CACNA2D3: variants seen among roughly 807,000 people sequenced by gnomAD.
CACNA2D3 encodes the protein voltage-dependent calcium channel subunit alpha-2/delta-3.
CACNA2D3 carries 60 observed loss-of-function variants against 160.6 expected under a neutral mutation model. The observed-to-expected ratio is 0.37, with a 90% CI of 0.30 to 0.46. The LOEUF (loss-of-function observed/expected upper bound fraction) is 0.46. Ranked by LOEUF, CACNA2D3 falls within the 20% of genes least tolerant of loss-of-function variation. The probability of loss-of-function intolerance (pLI) is 1.00; values close to 1 mark genes in which losing one functional copy is unlikely to be tolerated. For missense variants in CACNA2D3, 1,205 were observed against 1,365.0 expected, an observed-to-expected ratio of 0.88 and a Z score of 1.85; for synonymous variants, 558 against 492.9, an observed-to-expected ratio of 1.13 and a Z score of -1.75.
chr3:55,053,268 T>C (rs1249351140), intron 35 of CACNA2D3, among the ~76,000 whole-genome samples: 2 of 152,068 alleles, frequency 1.3e-5, no homozygotes, highest in African/African-American at 4.8e-5. Flanking sequence ...GTATTCTTTG[T>C]TGGTCCAGCT....
intron 9 of CACNA2D3, among the ~76,000 whole-genome samples, chr3:54,603,205 G>C (rs934732051): frequency 1.3e-5 from 2 of 152,206 alleles, no homozygotes; most frequent in African/African-American, 4.8e-5. Context: ...CAGCCCGCCC[G>C]GCAGGAAGAG....
At chr3:54,319,201 C>CACACACACACACACACA (rs1559448362) in intron 2 of CACNA2D3, among the ~76,000 whole-genome samples, 2 of 146,790 alleles carry the variant, frequency 1.4e-5, no homozygotes, top group African/African-American at 5.1e-5. Flanking sequence ...CACACACACA[C>CACACACACACACACACA]CCTTCCTCGA....
At chr3:54,888,164 T>G in intron 24 of CACNA2D3, 112 bp downstream of exon 24, 1 of 851,326 alleles carries the variant, frequency 1.2e-6, no homozygotes, top group Admixed American at 2.2e-5. Flanking sequence ...TAAAGTTCTT[T>G]AATTTTCCCC....
chr3:54,653,366 C>G (rs1045108324), intron 11 of CACNA2D3, among the ~76,000 whole-genome samples: 16 of 152,078 alleles, frequency 1.1e-4, no homozygotes, highest in Admixed American at 1.0e-3. Flanking sequence ...TTTCCTCTTT[C>G]TCTTTCTTTC....
intron 11 of CACNA2D3, among the ~76,000 whole-genome samples, chr3:54,724,566 G>C (rs1054325555): frequency 2.6e-5 from 4 of 152,116 alleles, no homozygotes; most frequent in African/African-American, 7.2e-5. Context: ...ATAACAAACA[G>C]TCTCTCAGAA....
intron 9 of CACNA2D3, among the ~76,000 whole-genome samples, chr3:54,588,457 C>T (rs1702802422): frequency 6.6e-6 from 1 of 152,086 alleles, no homozygotes; most frequent in Non-Finnish European, 1.5e-5. Context: ...AAGTTTTAGT[C>T]AGGCCAGGAA....
intron 4 of CACNA2D3, among the ~76,000 whole-genome samples, chr3:54,436,346 C>G (rs575485987): frequency 6.6e-6 from 1 of 152,324 alleles, no homozygotes; most frequent in African/African-American, 2.4e-5. Context: ...TAAATTAATT[C>G]AACCATTGTG....
intron 11 of CACNA2D3, among the ~76,000 whole-genome samples, chr3:54,656,353 A>T (rs1304583320): frequency 6.6e-6 from 1 of 152,208 alleles, no homozygotes; most frequent in African/African-American, 2.4e-5. Context: ...CCTGTTTGTG[A>T]GAGACCATAG....
chr3:54,517,636 A>T lies in CACNA2D3; in HGVS notation c.544+13982A>T, dbSNP rs187497451. ...AATATAACGTGGTTTACTGACAGTG[A>T]CGTCAGCAGTAGGTAAATGTGCGTC... On this transcript the variant is annotated intron_variant, in intron 5 of 37. Coordinates refer to ENST00000474759, the MANE Select transcript of CACNA2D3 (RefSeq NM_018398.3). 5.3e-5 allele frequency among the ~76,000 whole-genome samples: 8 copies of T among 152,308 alleles called. No homozygotes were observed. In the East Asian group the frequency reaches 1.5e-3, roughly 29 times the overall value.
intron 2 of CACNA2D3, among the ~76,000 whole-genome samples, chr3:54,257,417 T>C (rs1702317408): frequency 6.6e-6 from 1 of 152,218 alleles, no homozygotes; most frequent in Non-Finnish European, 1.5e-5. Context: ...GGTTGCTGCA[T>C]GTAGCGTGAG....
intron 11 of CACNA2D3, among the ~76,000 whole-genome samples, chr3:54,744,544 G>A (rs928213300): frequency 6.6e-6 from 1 of 152,286 alleles, no homozygotes; most frequent in Non-Finnish European, 1.5e-5. Context: ...AGTTGTAATT[G>A]TTATTATAGC....
chr3:54,963,757 C>T lies in CACNA2D3; in HGVS notation c.2450-4693C>T, dbSNP rs193279448. 6.6e-5 allele frequency among the ~76,000 whole-genome samples: 10 copies of T among 152,290 alleles called. No homozygotes were observed. In the South Asian group the frequency reaches 1.9e-3, roughly 28 times the overall value. Reference sequence around the variant, plus strand: ...TTTGACTGCCCTCCCCAGGCCTGTACCCCTGGCGGTTGTGTCTCTCACATC... The same window carrying T: ...TTTGACTGCCCTCCCCAGGCCTGTATCCCTGGCGGTTGTGTCTCTCACATC... On this transcript the variant is annotated intron_variant, in intron 27 of 37. Transcript: ENST00000474759.
chr3:54,556,959 T>C (rs945797368), intron 5 of CACNA2D3, among the ~76,000 whole-genome samples: 1 of 152,042 alleles, frequency 6.6e-6, no homozygotes, highest in African/African-American at 2.4e-5. Context: ...GTCAGTGATG[T>C]TGGGAAAATC....
intron 3 of CACNA2D3, among the ~76,000 whole-genome samples, chr3:54,325,025 G>A (rs568378584): frequency 1.3e-5 from 2 of 152,136 alleles, no homozygotes; most frequent in African/African-American, 2.4e-5. Flanking sequence ...AAGGCAGAAG[G>A]GTTATATTGC....
chr3:54,259,857 C>T (rs931530344), intron 2 of CACNA2D3, among the ~76,000 whole-genome samples: 4 of 152,164 alleles, frequency 2.6e-5, no homozygotes, highest in African/African-American at 9.7e-5. Context: ...GAAGCAAAGC[C>T]CTGCATTCTA....
intron 14 of CACNA2D3, among the ~76,000 whole-genome samples, chr3:54,821,037 C>T (rs928264452): frequency 6.6e-6 from 1 of 152,120 alleles, no homozygotes. Context: ...CCAAACGTGG[C>T]TATTTATGTG....
intron 17 of CACNA2D3, among the ~76,000 whole-genome samples, chr3:54,856,286 G>A (rs191482132): frequency 4.2e-4 from 64 of 152,306 alleles, no homozygotes; most frequent in Admixed American, 2.9e-3. Flanking sequence ...CTGGTGTCTC[G>A]CTGTGCACTG....
chr3:54,665,627 G>A (rs1438294815), intron 11 of CACNA2D3, among the ~76,000 whole-genome samples: 2 of 151,956 alleles, frequency 1.3e-5, no homozygotes, highest in Admixed American at 6.5e-5. Flanking sequence ...TGCATTAGAC[G>A]GCTCATAATA....
intron 9 of CACNA2D3, among the ~76,000 whole-genome samples, chr3:54,608,125 A>G (rs2106784594): frequency 6.6e-6 from 1 of 152,332 alleles, no homozygotes; most frequent in East Asian, 1.9e-4. Context: ...AAAATTTCAT[A>G]AAATTGTACA....
Sources: gnomAD v4.1 joint callset for allele counts (sites outside exome capture counted in the v4.1 genomes callset) on GRCh38, gnomAD v4.1.1 for gene constraint, MANE v1.5 for transcripts, NCBI Gene and HGNC (gene_info 2026-07-23, HGNC 2026-07-21) for gene names.